EPHX4: variants seen among roughly 807,000 people sequenced by gnomAD.
EPHX4 encodes the protein epoxide hydrolase 4.
In EPHX4, 31 loss-of-function variants were observed where a neutral mutation model predicts 44.9. The observed-to-expected ratio is 0.69, with a 90% CI of 0.52 to 0.93. The LOEUF is 0.93. Ranked by LOEUF, EPHX4 falls within the 40% of genes least tolerant of loss-of-function variation. The pLI, the probability that EPHX4 is intolerant of heterozygous loss-of-function variation, is 0.00. For missense variants in EPHX4, 373 were observed against 438.1 expected (o/e 0.85, Z 1.33); for synonymous variants, 151 against 159.7 (o/e 0.95, Z 0.41).
chr1:92,058,064 A>G (rs967637841), intron 6 of EPHX4, among the ~76,000 whole-genome samples: 1 of 152,212 alleles, frequency 6.6e-6, no homozygotes, highest in African/African-American at 2.4e-5. Flanking sequence ...AGTTATAAAC[A>G]TAGATCCACA....
At chr1:92,031,597 C>G (rs1017120925) in intron 1 of EPHX4, among the ~76,000 whole-genome samples, 2 of 152,194 alleles carry the variant, frequency 1.3e-5, no homozygotes, top group Non-Finnish European at 2.9e-5. Context: ...TGGGCCTCAT[C>G]TTCTGAATCT....
chr1:92,055,726 A>G (rs757126236), intron 6 of EPHX4, among the ~76,000 whole-genome samples: 6 of 152,100 alleles, frequency 3.9e-5, no homozygotes, highest in South Asian at 2.1e-4. Flanking sequence ...AGAATGGCAC[A>G]TTTTCAAACA....
intron 6 of EPHX4, among the ~76,000 whole-genome samples, chr1:92,055,635 CAAT>C (rs922902108): frequency 6.6e-6 from 1 of 151,986 alleles, no homozygotes; most frequent in African/African-American, 2.4e-5. Flanking sequence ...TCTGAAACAA[CAAT>C]GTCTGAAGTT....
At chr1:92,061,366 GCT>G (rs1373528020) in intron 6 of EPHX4, among the ~76,000 whole-genome samples, 1 of 152,084 alleles carries the variant, frequency 6.6e-6, no homozygotes, top group African/African-American at 2.4e-5. Context: ...CACAAATCAG[GCT>G]TTTTTATTCA....
At chr1:92,062,985 G>A in intron 6 of EPHX4, 70 bp from the exon 7 acceptor site, 1 of 1,329,780 alleles carries the variant, frequency 7.5e-7, no homozygotes, top group Non-Finnish European at 1.1e-6. Flanking sequence ...ATGACCTACT[G>A]GGGCACTATA....
chr1:92,037,872 T>C (rs944468745), intron 2 of EPHX4, among the ~76,000 whole-genome samples: 3 of 152,244 alleles, frequency 2.0e-5, no homozygotes, highest in African/African-American at 7.2e-5. Context: ...GTTACTGCTT[T>C]TGTAATGTGT....
chr1:92,050,977 C>A (rs1273630632), intron 5 of EPHX4, among the ~76,000 whole-genome samples: 3 of 152,110 alleles, frequency 2.0e-5, no homozygotes, highest in Admixed American at 1.3e-4. Flanking sequence ...GGACTACAGG[C>A]ATGTGCCACC....
In EPHX4 at chr1:92,030,049, G is replaced by T. The variant is rs1688329914; in HGVS notation, c.-31G>T. On this transcript the variant is annotated 5_prime_UTR_variant, in exon 1 of 7. Transcript: ENST00000370383. ...CGGCGCTCGCTCACCCGCTCCCGAGGAAGGGCAGTGGGCCCCGCCGCCGCC... is the reference window on the plus strand; with the variant it reads ...CGGCGCTCGCTCACCCGCTCCCGAGTAAGGGCAGTGGGCCCCGCCGCCGCC... 9 of 1,503,878 alleles carry T rather than the reference G, an allele frequency of 6.0e-6. No individual in the cohort carries two copies. In the South Asian group the frequency reaches 8.8e-5, roughly 15 times the overall value. The allele number at this position is 1,503,878 out of a possible 1,614,324, so 93.2% of individuals were successfully genotyped here. A position where few individuals can be genotyped will look rare whatever the true frequency, so the allele number is the denominator to read the frequency against.
rs191880956 is a variant in EPHX4, at chr1:92,034,672, T to A, written c.317+2082T>A. On this transcript the variant is annotated intron_variant, in intron 2 of 6. Transcript: ENST00000370383. ...TTTTTTTTTTTTTTTTAAACAGTCT[T>A]GCTCTGTTGCCCAGGCTAGAGTGCA... 1.0e-3 allele frequency among the ~76,000 whole-genome samples: 155 copies of A among 150,766 alleles called. 1 individual carries two copies. The highest frequency in any genetic ancestry group is 3.5e-3 in the African/African-American group (143 of 41,034).
chr1:92,044,408 G>C (rs746231940), intron 3 of EPHX4, among the ~76,000 whole-genome samples: 16 of 152,304 alleles, frequency 1.1e-4, no homozygotes, highest in South Asian at 8.3e-4. Context: ...GTGTGTTTAT[G>C]TCTACGTGTG....
At chr1:92,043,840 C>T (rs972585529) in intron 3 of EPHX4, 5 of 152,166 alleles carry the variant, frequency 3.3e-5, no homozygotes, top group African/African-American at 1.2e-4. Context: ...AGCTTTTTTC[C>T]TGGCGATGGT....
intron 6 of EPHX4, among the ~76,000 whole-genome samples, chr1:92,056,330 G>T (rs1160189367): frequency 6.6e-6 from 1 of 152,104 alleles, no homozygotes; most frequent in Non-Finnish European, 1.5e-5. Context: ...CCAAAGACTT[G>T]CCAAAATTTG....
intron 6 of EPHX4, among the ~76,000 whole-genome samples, chr1:92,056,382 A>G (rs1647373418): frequency 6.6e-6 from 1 of 152,188 alleles, no homozygotes; most frequent in Non-Finnish European, 1.5e-5. Flanking sequence ...GACTAGCTAT[A>G]GAACCTGTAC....
intron 2 of EPHX4, among the ~76,000 whole-genome samples, chr1:92,037,495 T>G (rs1688456406): frequency 6.6e-6 from 1 of 152,104 alleles, no homozygotes; most frequent in African/African-American, 2.4e-5. Context: ...ACTCTCTCTC[T>G]CCACTTCAAT....
chr1:92,033,351 G>C (rs1220734653), intron 2 of EPHX4, among the ~76,000 whole-genome samples: 2 of 151,760 alleles, frequency 1.3e-5, no homozygotes, highest in South Asian at 2.1e-4. Context: ...ATATTTTTTT[G>C]AGGATTAAAA....
chr1:92,042,858 G>A lies in EPHX4; in HGVS notation c.353G>A (p.Ser118Asn), dbSNP rs1341409254. 1 of 1,611,922 alleles carries A rather than the reference G, an allele frequency of 6.2e-7. No homozygotes were observed. ...SWRYQLREFK[S>N]EYRVVALDLR... ...CGTTACCAACTGAGAGAATTTAAAA[G>A]TGAATATCGAGTTGTAGCACTGGAT... Residue 118 changes from serine to asparagine, a missense_variant, in exon 3 of 7, where the codon AGT becomes AAT. Physicochemically the swap from Ser to Asn is conservative, Grantham distance 46. Coordinates refer to ENST00000370383, the MANE Select transcript of EPHX4 (RefSeq NM_173567.5).
chr1:92,036,338 G>A (rs1048364911), intron 2 of EPHX4, among the ~76,000 whole-genome samples: 3 of 152,182 alleles, frequency 2.0e-5, no homozygotes, highest in Non-Finnish European at 2.9e-5. Flanking sequence ...GTTTTTCACA[G>A]TCATGTCTCA....
At chr1:92,042,499 G>A (rs1688521742) in intron 2 of EPHX4, among the ~76,000 whole-genome samples, 1 of 152,044 alleles carries the variant, frequency 6.6e-6, no homozygotes, top group Admixed American at 6.6e-5. Context: ...TAAGGCATGA[G>A]GATCACTTGA....
rs1244881753 is a variant in EPHX4, at chr1:92,058,817, G to A, written c.858-4238G>A. On this transcript the variant is annotated intron_variant, in intron 6 of 6. Coordinates refer to ENST00000370383, the MANE Select transcript of EPHX4 (RefSeq NM_173567.5). ...CCTCTATTAAAATGGTATAATACTT[G>A]CTTTGTATTACAAAGTAAGTAATAC... Among the ~76,000 whole-genome samples, 3 of 152,110 alleles carry A rather than the reference G, an allele frequency of 2.0e-5. No individual in the cohort carries two copies. The East Asian group carries it at 5.8e-4, about 29-fold the overall frequency.
Sources: gnomAD v4.1 joint callset for allele counts (sites outside exome capture counted in the v4.1 genomes callset) on GRCh38, gnomAD v4.1.1 for gene constraint, MANE v1.5 for transcripts, NCBI Gene and HGNC (gene_info 2026-07-23, HGNC 2026-07-21) for gene names.